The following COL22A1 variants were observed in gnomAD, a reference collection of about 807,000 sequenced individuals.
COL22A1 encodes the protein collagen alpha-1(XXII) chain.
A neutral mutation model predicts 248.9 loss-of-function variants in COL22A1; 221 were observed. The observed-to-expected ratio is 0.89, with a 90% confidence interval of 0.80 to 0.99. The LOEUF (loss-of-function observed/expected upper bound fraction) is 0.99. Ranked by LOEUF, COL22A1 falls within the 50% of genes least tolerant of loss-of-function variation. The pLI is 0.00. For synonymous variants in COL22A1, 891 were observed against 793.4 expected, an observed-to-expected ratio of 1.12 and a Z score of -2.07; for missense variants, 2,240 against 2,179.0, an observed-to-expected ratio of 1.03 and a Z score of -0.56.
rs57002674 is a variant in COL22A1 at position 138,854,045 on chromosome 8, T to A, written c.659-9887A>T. Among the ~76,000 whole-genome samples the A allele has an allele frequency of 7.7e-3, 1,174 of 152,206 alleles. 17 individuals are homozygous for A. The highest frequency in any genetic ancestry group is 0.027 in the African/African-American group (1,121 of 41,518). On this transcript the variant is annotated intron_variant, in intron 3 of 64. Coordinates refer to ENST00000303045, the MANE Select transcript of COL22A1 (RefSeq NM_152888.3). ...CCTTAAATGAGCAGGATGTGGTAGCTTGGTAGAGATGGTGGCTGTGACTGT... is the reference window on the plus strand; with the variant it reads ...CCTTAAATGAGCAGGATGTGGTAGCATGGTAGAGATGGTGGCTGTGACTGT...
At chr8:138,701,362 C>T (rs1054437694) in intron 31 of COL22A1, among the ~76,000 whole-genome samples, 4 of 151,736 alleles carry the variant, frequency 2.6e-5, no homozygotes, top group African/African-American at 4.8e-5. Flanking sequence ...AGCACGGGCC[C>T]GAAAGAAGCA....
intron 3 of COL22A1, among the ~76,000 whole-genome samples, chr8:138,875,422 T>C (rs1823641403): frequency 6.6e-6 from 1 of 152,062 alleles, no homozygotes; most frequent in Non-Finnish European, 1.5e-5. Context: ...ACCAAGACTG[T>C]CAGGATGGCA....
intron 45 of COL22A1, among the ~76,000 whole-genome samples, chr8:138,652,499 A>G (rs1014204423): frequency 2.6e-5 from 4 of 152,034 alleles, no homozygotes; most frequent in African/African-American, 9.7e-5. Flanking sequence ...CTAGCTCCCA[A>G]TCTCTGGGCT....
intron 12 of COL22A1, among the ~76,000 whole-genome samples, chr8:138,781,731 C>T (rs1005473377): frequency 4.6e-5 from 7 of 152,098 alleles, no homozygotes; most frequent in African/African-American, 9.7e-5. Context: ...TCTAAGCTCC[C>T]GCCCAGCTCC....
intron 48 of COL22A1, among the ~76,000 whole-genome samples, chr8:138,636,260 C>A (rs1029855977): frequency 6.6e-6 from 1 of 151,856 alleles, no homozygotes; most frequent in South Asian, 2.1e-4. Context: ...TTGGTACCAT[C>A]CTATAGCACA....
intron 17 of COL22A1, among the ~76,000 whole-genome samples, chr8:138,761,512 T>C (rs2131393063): frequency 6.6e-6 from 1 of 152,112 alleles, no homozygotes; most frequent in Admixed American, 6.6e-5. Flanking sequence ...GAATGAACTA[T>C]AAGTTTAATT....
intron 12 of COL22A1, among the ~76,000 whole-genome samples, chr8:138,785,937 G>C (rs1011132018): frequency 2.6e-5 from 4 of 152,148 alleles, no homozygotes; most frequent in Admixed American, 2.0e-4. Context: ...AATTAGTCTT[G>C]TGTAAGCCCC....
chr8:138,694,880 C>T lies in COL22A1; in HGVS notation c.2593-1G>A. On this transcript the variant is annotated splice_acceptor_variant, in intron 32 of 64. Coordinates refer to ENST00000303045, the MANE Select transcript of COL22A1 (RefSeq NM_152888.3). LOFTEE classifies it high-confidence loss of function. The stretch of plus-strand genomic sequence containing the variant: ...TCTCTCCTTTGGGCCCTTGTTCTCC[C>T]TGTTGGTGAGAAGCATAGGGTAGAG... 4 of 1,613,972 alleles carry T rather than the reference C, an allele frequency of 2.5e-6. No individual in the cohort carries two copies. Among genetic ancestry groups the T allele is most frequent in the Non-Finnish European group, 3.4e-6 (4 of 1,179,938 alleles).
intron 47 of COL22A1, among the ~76,000 whole-genome samples, chr8:138,640,418 A>T (rs542124594): frequency 1.1e-4 from 17 of 152,028 alleles, no homozygotes; most frequent in African/African-American, 4.1e-4. Flanking sequence ...ACTCTCTACG[A>T]CTCTCAGAAC....
intron 3 of COL22A1, among the ~76,000 whole-genome samples, chr8:138,860,002 A>C (rs370144212): frequency 2.4e-4 from 36 of 152,222 alleles, no homozygotes; most frequent in African/African-American, 8.7e-4. Context: ...TCATCAGACC[A>C]TTACTATGTG....
chr8:138,773,266 G>A (rs1834543651), intron 16 of COL22A1, among the ~76,000 whole-genome samples: 1 of 152,148 alleles, frequency 6.6e-6, no homozygotes, highest in Admixed American at 6.5e-5. Context: ...GACAAATGGA[G>A]AAGCCACCGC....
rs1208593431 is a variant in COL22A1 at position 138,589,015 on chromosome 8, AAAT to A, written c.*235_*237del. The A allele has an allele frequency of 5.4e-5, 23 of 424,206 alleles. No homozygotes were observed. The highest frequency in any genetic ancestry group is 8.9e-5 in the East Asian group (2 of 22,598). 26.3% of individuals were successfully genotyped at this position (424,206 alleles called of 1,614,324 possible). A position where few individuals can be genotyped will look rare whatever the true frequency, so the allele number is the denominator to read the frequency against. On this transcript the variant is annotated 3_prime_UTR_variant, in exon 65 of 65. Transcript: ENST00000303045. Reference sequence around the variant, plus strand: ...AGAACTCACAAAGCATCAGCATATGAAATAATAATAATAATTAACAACAACAAT... The same window carrying A: ...AGAACTCACAAAGCATCAGCATATGAAATAATAATAATTAACAACAACAAT...
intron 41 of COL22A1, 104 bp downstream of exon 41, chr8:138,676,454 A>AAAGGAAGGAAGGAAGGAAGG (rs1554744069): frequency 7.5e-5 from 31 of 415,972 alleles, no homozygotes; most frequent in African/African-American, 6.9e-4. Context: ...AGAAAGAAAG[A>AAAGGAAGGAAGGAAGGAAGG]AAGGAAGAAA....
Position 138,773,485 on chromosome 8 carries a change from G to A in COL22A1, c.1803+2481C>T, listed in dbSNP as rs529916762. 2.6e-5 allele frequency among the ~76,000 whole-genome samples: 4 copies of A among 152,296 alleles called. No individual in the cohort carries two copies. In the South Asian group the frequency reaches 8.3e-4, roughly 32 times the overall value. The stretch of plus-strand genomic sequence containing the variant: ...TGGATTCATCCATTGTCCTTACAGG[G>A]GATCTGGCCGTAGGACATGTGATTT... On this transcript the variant is annotated intron_variant, in intron 16 of 64. Transcript: ENST00000303045.
chr8:138,712,442 T>TA (rs1234695967), intron 30 of COL22A1, among the ~76,000 whole-genome samples: 1 of 152,148 alleles, frequency 6.6e-6, no homozygotes, highest in Admixed American at 6.5e-5. Context: ...CCCAACCCTG[T>TA]CCATGCCTGT....
At chr8:138,719,683 T>C (rs910865048) in intron 27 of COL22A1, among the ~76,000 whole-genome samples, 20 of 152,206 alleles carry the variant, frequency 1.3e-4, no homozygotes, top group Non-Finnish European at 1.6e-4. Context: ...CCCTGAGGTA[T>C]GCCCTCCCAC....
intron 3 of COL22A1, among the ~76,000 whole-genome samples, chr8:138,849,254 G>A (rs1821459310): frequency 1.3e-5 from 2 of 152,232 alleles, no homozygotes; most frequent in African/African-American, 4.8e-5. Context: ...GAGCCTCTTG[G>A]CTGCTCTGCT....
rs1819094953 is a variant in COL22A1, at chr8:138,613,778, C to G, written c.3978+89G>C. ...TATTACAATTTTTTAACAATATATA[C>G]AGTGGCACCAGAGGGAACTAACTAA... On this transcript the variant is annotated intron_variant, in intron 56 of 64. Coordinates refer to ENST00000303045, the MANE Select transcript of COL22A1 (RefSeq NM_152888.3). 3.4e-6 allele frequency: 4 copies of G among 1,164,584 alleles called. No individual in the cohort carries two copies. In the South Asian group the frequency reaches 4.9e-5, roughly 14 times the overall value. The allele number at this position is 1,164,584 out of a possible 1,614,324, so 72.1% of individuals were successfully genotyped here.
At chr8:138,631,832 C>T in intron 49 of COL22A1, among the ~76,000 whole-genome samples, 1 of 152,138 alleles carries the variant, frequency 6.6e-6, no homozygotes, top group East Asian at 1.9e-4. Context: ...TTTCTGTCTA[C>T]CTTCCTCCAT....
Sources: gnomAD v4.1 joint callset for allele counts (sites outside exome capture counted in the v4.1 genomes callset) on GRCh38, gnomAD v4.1.1 for gene constraint, MANE v1.5 for transcripts, NCBI Gene and HGNC (gene_info 2026-07-23, HGNC 2026-07-21) for gene names.